The following SLC12A6 variants were observed in gnomAD, a reference collection of about 807,000 sequenced individuals.
SLC12A6 encodes the protein K-Cl cotransporter 3.
SLC12A6 carries 66 observed loss-of-function variants against 135.3 expected under a neutral mutation model. The observed-to-expected ratio is 0.49, with a 90% confidence interval of 0.40 to 0.60. The LOEUF is 0.60. Among genes scored for constraint, SLC12A6 ranks in the 20% least tolerant of loss-of-function variants. SLC12A6 has a pLI of 0.00. For synonymous variants in SLC12A6, 513 were observed against 508.8 expected (o/e 1.01, Z -0.11); for missense variants, 1,058 against 1,452.3 (o/e 0.73, Z 4.41).
chr15:34,290,883 G>A (rs7177365), intron 2 of SLC12A6, among the ~76,000 whole-genome samples: 14,879 of 151,996 alleles, frequency 0.098, 818 homozygotes, highest in South Asian at 0.15. Flanking sequence ...GTCTTTGCAC[G>A]TGAGATGGGT....
chr15:34,282,204 G>T (rs1384950324), intron 2 of SLC12A6, among the ~76,000 whole-genome samples: 1 of 152,110 alleles, frequency 6.6e-6, no homozygotes, highest in Non-Finnish European at 1.5e-5. Flanking sequence ...GAAACGGTTT[G>T]GGGCAGGGAT....
At chr15:34,310,565 G>A (rs1391250393) in intron 2 of SLC12A6, among the ~76,000 whole-genome samples, 4 of 112,886 alleles carry the variant, frequency 3.5e-5, no homozygotes, top group African/African-American at 1.8e-4. Flanking sequence ...GTGTGTGTGT[G>A]TGTGTATGTG....
intron 2 of SLC12A6, among the ~76,000 whole-genome samples, chr15:34,316,545 G>T (rs943383707): frequency 1.3e-5 from 2 of 152,132 alleles, no homozygotes; most frequent in Non-Finnish European, 2.9e-5. Flanking sequence ...ATTCAAGTAG[G>T]TATTTTCTGG....
In SLC12A6 at chr15:34,231,582, TTCTTTCTTTC is replaced by T. The variant is rs1190463872; in HGVS notation, c.*2289_*2298del. 1 of 144,628 alleles carries T rather than the reference TTCTTTCTTTC, an allele frequency of 6.9e-6. No homozygotes were observed. The highest frequency in any genetic ancestry group is 2.5e-5 in the African/African-American group (1 of 39,368). 9.0% of individuals were successfully genotyped at this position (144,628 alleles called of 1,614,324 possible). A position where few individuals can be genotyped will look rare whatever the true frequency, so the allele number is the denominator to read the frequency against. On this transcript the variant is annotated 3_prime_UTR_variant, in exon 26 of 26. Transcript: ENST00000354181. Reference sequence around the variant, plus strand: ...AACAAATCAAAATTACTCAATTTCTTTCTTTCTTTCTTTTTTTTTTTTTTTGAGATGGAGT... The same window carrying T: ...AACAAATCAAAATTACTCAATTTCTTTTTTTTTTTTTTTTTGAGATGGAGT...
Position 34,336,422 on chromosome 15 carries a change from C to G in SLC12A6, c.259G>C (p.Asp87His). ...TGTTTCTACTTACCCTCGATGACAT[C>G]CTGGGGGTGAGAAGTCCGGTCACTG... ...PPSDRTSHPQ[D>H]VIEDLSQNSI... Residue 87 changes from aspartate (D) to histidine (H), a missense_variant, in exon 2 of 26, where the codon GAT becomes CAT. By Grantham distance (81) the Asp-to-His change is moderately conservative. Transcript: ENST00000354181. 1 of 1,613,872 alleles carries G rather than the reference C, an allele frequency of 6.2e-7. No individual in the cohort carries two copies. Among genetic ancestry groups the G allele is most frequent in the Non-Finnish European group, 8.5e-7 (1 of 1,179,792 alleles).
chr15:34,245,083 G>A (rs953659349), intron 15 of SLC12A6, among the ~76,000 whole-genome samples: 1 of 152,162 alleles, frequency 6.6e-6, no homozygotes, highest in African/African-American at 2.4e-5. Context: ...AAGAACTTTT[G>A]AAGTTAAATA....
rs766009881 is a variant in SLC12A6, at chr15:34,238,337, AAAG to A, written c.2694_2696del (p.Phe899del). 47 of 1,613,666 alleles carry A rather than the reference AAAG, an allele frequency of 2.9e-5. No individual in the cohort carries two copies. The highest frequency in any genetic ancestry group is 3.8e-5 in the Non-Finnish European group (45 of 1,179,648). On this transcript the variant is annotated inframe_deletion, in exon 21 of 26. Coordinates refer to ENST00000354181, the MANE Select transcript of SLC12A6 (RefSeq NM_001365088.1). ...CAGAAAATTGCTCCACATTGCTGGG[AAAG>A]AAGGAGATGTTTTTAGCCACCAGCA...
At chr15:34,300,589 A>G (rs1896175976) in intron 2 of SLC12A6, among the ~76,000 whole-genome samples, 2 of 151,860 alleles carry the variant, frequency 1.3e-5, no homozygotes, top group South Asian at 4.2e-4. Flanking sequence ...TTGAGCCCAG[A>G]CCAGGCTGGA....
Position 34,237,555 on chromosome 15 carries a change from G to A in SLC12A6, c.2803-5C>T, listed in dbSNP as rs756640250. The A allele has an allele frequency of 1.2e-6, 2 of 1,610,866 alleles. No individual in the cohort carries two copies. The highest frequency in any genetic ancestry group is 1.1e-5 in the South Asian group (1 of 90,880). On this transcript the variant is annotated splice_polypyrimidine_tract_variant and splice_region_variant and intron_variant, in intron 21 of 25. Transcript: ENST00000354181. ...TATGCTGCACTTTCGCCACACCTGA[G>A]AGAGTGACATACACATGTGAAAAAT...
chr15:34,316,014 A>G (rs1476336317), intron 2 of SLC12A6, among the ~76,000 whole-genome samples: 2 of 152,202 alleles, frequency 1.3e-5, no homozygotes, highest in Non-Finnish European at 2.9e-5. Flanking sequence ...CTGAGCCCAC[A>G]ATATTTCCAA....
intron 2 of SLC12A6, among the ~76,000 whole-genome samples, chr15:34,304,876 A>G (rs1452184679): frequency 6.6e-6 from 1 of 152,150 alleles, no homozygotes; most frequent in East Asian, 1.9e-4. Flanking sequence ...CCCTTTCATC[A>G]TGTGATCTCT....
chr15:34,241,065 C>T lies in SLC12A6; in HGVS notation c.2267+168G>A, dbSNP rs186152577. On this transcript the variant is annotated intron_variant, in intron 18 of 25. Coordinates refer to ENST00000354181, the MANE Select transcript of SLC12A6 (RefSeq NM_001365088.1). ...AAATTGTAGAAATCTTGATCATAAA[C>T]GACATGAAGAAAAGGGAATAAAAAA... 1,083 of 659,760 alleles carry T rather than the reference C, an allele frequency of 1.6e-3. 1 individual carries two copies. Among genetic ancestry groups the T allele is most frequent in the Non-Finnish European group, 2.5e-3 (939 of 368,786 alleles). 40.9% of individuals were successfully genotyped at this position (659,760 alleles called of 1,614,324 possible).
intron 2 of SLC12A6, among the ~76,000 whole-genome samples, chr15:34,287,127 T>G (rs1015417205): frequency 6.6e-6 from 1 of 152,202 alleles, no homozygotes; most frequent in Non-Finnish European, 1.5e-5. Context: ...TTTCTCCTAA[T>G]GTTATCCCTT....
At chr15:34,242,272 C>G (rs757182316) in intron 16 of SLC12A6, 51 bp from the exon 17 acceptor site, 2 of 1,424,238 alleles carry the variant, frequency 1.4e-6, no homozygotes, top group Non-Finnish European at 2.0e-6. Flanking sequence ...GAAAAAGAAG[C>G]CTATGTTAAA....
chr15:34,238,074 C>CT lies in SLC12A6; in HGVS notation c.2802+157dup, dbSNP rs1185828644. On this transcript the variant is annotated intron_variant, in intron 21 of 25. Transcript: ENST00000354181. ...ATCAAATACAAAGACAATGATTTCTCTTGTTTGAAAGTGGGATCATGGGAA... is the reference window on the plus strand; with the variant it reads ...ATCAAATACAAAGACAATGATTTCTCTTTGTTTGAAAGTGGGATCATGGGAA... 2.0e-5 allele frequency among the ~76,000 whole-genome samples: 3 copies of CT among 152,180 alleles called. No homozygotes were observed. The South Asian group carries it at 6.2e-4, about 31-fold the overall frequency.
At position 34,233,379 on chromosome 15, in the gene SLC12A6, C is replaced by A; in HGVS notation, c.*502G>T. ...CAGTGGGTATACTAAAGAAATATAG[C>A]TAAAAAATGTTTGCATCTTGGCTTG... On this transcript the variant is annotated 3_prime_UTR_variant, in exon 26 of 26. Coordinates refer to ENST00000354181, the MANE Select transcript of SLC12A6 (RefSeq NM_001365088.1). The A allele has an allele frequency of 6.1e-6, 1 of 163,006 alleles. No individual in the cohort carries two copies. Among genetic ancestry groups the A allele is most frequent in the Admixed American group, 5.7e-5 (1 of 17,520 alleles). The allele number at this position is 163,006 out of a possible 1,614,324, so 10.1% of individuals were successfully genotyped here. A position where few individuals can be genotyped will look rare whatever the true frequency, so the allele number is the denominator to read the frequency against.
intron 2 of SLC12A6, chr15:34,318,828 C>T (rs1229270641): frequency 7.3e-6 from 11 of 1,516,224 alleles, no homozygotes; most frequent in South Asian, 1.2e-5. Flanking sequence ...TTTAAGCTCA[C>T]GTGACCTACA....
Position 34,254,491 on chromosome 15 carries a change from G to C in SLC12A6, c.975C>G (p.Phe325Leu). Residue 325 changes from phenylalanine to leucine, a missense_variant, in exon 9 of 26, where the codon TTC becomes TTG. Coordinates refer to ENST00000354181, the MANE Select transcript of SLC12A6 (RefSeq NM_001365088.1). Reference sequence around the variant, plus strand: ...ATACCACTAATACCATAAGGACCAAGAAAGCTGTGCCGTAGACACGCATGT... The same window carrying C: ...ATACCACTAATACCATAAGGACCAACAAAGCTGTGCCGTAGACACGCATGT... ...LNNMRVYGTA[F>L]LVLMVLVVFI... 6.2e-7 allele frequency: 1 copy of C among 1,613,888 alleles called. No individual in the cohort carries two copies. Among genetic ancestry groups the C allele is most frequent in the South Asian group, 1.1e-5 (1 of 91,086 alleles).
Position 34,231,613 on chromosome 15 carries a change from G to A in SLC12A6, c.*2268C>T, listed in dbSNP as rs1324398593. 1.4e-5 allele frequency: 2 copies of A among 142,046 alleles called. No homozygotes were observed. The highest frequency in any genetic ancestry group is 7.2e-5 in the Admixed American group (1 of 13,916). 8.8% of individuals were successfully genotyped at this position (142,046 alleles called of 1,614,324 possible). On this transcript the variant is annotated 3_prime_UTR_variant, in exon 26 of 26. Coordinates refer to ENST00000354181, the MANE Select transcript of SLC12A6 (RefSeq NM_001365088.1). ...CTTTCTTTTTTTTTTTTTTTGAGAT[G>A]GAGTCTCCCTCTGTCGCCCAGGCTG...
Sources: allele counts gnomAD v4.1 joint callset (sites outside exome capture counted in the v4.1 genomes callset), GRCh38; gene constraint gnomAD v4.1.1; transcripts MANE v1.5; gene names NCBI Gene and HGNC (gene_info 2026-07-23, HGNC 2026-07-21).